Variants in POU2AF1 observed in about 807,000 individuals in gnomAD.
The protein encoded by POU2AF1 is POU domain class 2-associating factor 1.
A neutral mutation model predicts 26.3 loss-of-function variants in POU2AF1; 12 were observed. That is an observed-to-expected ratio of 0.46 (90% CI 0.29 to 0.74). POU2AF1 has a LOEUF of 0.74. Among genes scored for constraint, POU2AF1 ranks in the 30% least tolerant of loss-of-function variants. The probability of loss-of-function intolerance (pLI) is 0.09; values close to 1 mark genes in which losing one functional copy is unlikely to be tolerated. For missense variants in POU2AF1, 297 were observed against 334.5 expected (o/e 0.89, Z 0.87); for synonymous variants, 175 against 148.0 (o/e 1.18, Z -1.32).
Position 111,354,116 on chromosome 11 carries a change from AAGGTTTAC to A in POU2AF1, c.*137_*144del. On this transcript the variant is annotated 3_prime_UTR_variant, in exon 5 of 5. Coordinates refer to ENST00000393067, the MANE Select transcript of POU2AF1 (RefSeq NM_006235.3). ...AGGGAGGGGAAGGAAGAAGGGAAGG[AAGGTTTAC>A]AGGTCTACAATTCTAGCTGTGCGTA... 1.2e-6 allele frequency: 1 copy of A among 815,788 alleles called. No individual in the cohort carries two copies. Among genetic ancestry groups the A allele is most frequent in the South Asian group, 1.9e-5 (1 of 52,450 alleles). The allele number at this position is 815,788 out of a possible 1,614,324, so 50.5% of individuals were successfully genotyped here.
chr11:111,374,195 C>A (rs1334745746), intron 1 of POU2AF1, among the ~76,000 whole-genome samples: 2 of 129,000 alleles, frequency 1.6e-5, no homozygotes, highest in Non-Finnish European at 1.6e-5. Context: ...TTCAAAACTT[C>A]TGAGTCAGTA....
intron 1 of POU2AF1, chr11:111,364,068 C>A: frequency 1.1e-6 from 1 of 909,494 alleles, no homozygotes; most frequent in Non-Finnish European, 1.3e-6. Flanking sequence ...CCTATAAGGG[C>A]TTCCCTTTTC....
intron 2 of POU2AF1, among the ~76,000 whole-genome samples, 168 bp downstream of exon 2, chr11:111,358,620 A>C (rs888322587): frequency 3.4e-5 from 4 of 117,046 alleles, no homozygotes; most frequent in African/African-American, 1.1e-4. Context: ...ACTGACGCAG[A>C]TACACATTCT....
intron 1 of POU2AF1, chr11:111,363,392 T>A: frequency 3.9e-6 from 4 of 1,017,578 alleles, no homozygotes; most frequent in Non-Finnish European, 4.7e-6. Flanking sequence ...CGGCCAAGTG[T>A]TTTTGCAAGT....
At chr11:111,366,483 G>C (rs1861107373) in intron 1 of POU2AF1, among the ~76,000 whole-genome samples, 1 of 152,228 alleles carries the variant, frequency 6.6e-6, no homozygotes, top group East Asian at 1.9e-4. Flanking sequence ...GGTAGGCTGG[G>C]ATGTCTGTAT....
intron 1 of POU2AF1, among the ~76,000 whole-genome samples, chr11:111,366,651 G>A (rs770205654): frequency 4.6e-5 from 7 of 152,132 alleles, no homozygotes; most frequent in Non-Finnish European, 8.8e-5. Flanking sequence ...AGGTCCCCTG[G>A]GAAAGGCTGA....
At position 111,353,598 on chromosome 11, in the gene POU2AF1, C is replaced by G. The variant is rs1049407791; in HGVS notation, c.*663G>C. 3 of 233,402 alleles carry G rather than the reference C, an allele frequency of 1.3e-5. No homozygotes were observed. Among genetic ancestry groups the G allele is most frequent in the African/African-American group, 6.6e-5 (3 of 45,356 alleles). 14.5% of individuals were successfully genotyped at this position (233,402 alleles called of 1,614,324 possible). On this transcript the variant is annotated 3_prime_UTR_variant, in exon 5 of 5. Coordinates refer to ENST00000393067, the MANE Select transcript of POU2AF1 (RefSeq NM_006235.3). ...ACTGTGGGAACTGACAGCTCAAGGACTCTGGCATCAGGGTAGGCCCTTGGC... is the reference window on the plus strand; with the variant it reads ...ACTGTGGGAACTGACAGCTCAAGGAGTCTGGCATCAGGGTAGGCCCTTGGC...
At chr11:111,370,268 A>C (rs1228212576) in intron 1 of POU2AF1, among the ~76,000 whole-genome samples, 2 of 152,162 alleles carry the variant, frequency 1.3e-5, no homozygotes, top group African/African-American at 4.8e-5. Context: ...GGAGAAGGGG[A>C]GTGGTTGTTA....
intron 1 of POU2AF1, among the ~76,000 whole-genome samples, chr11:111,366,904 C>T (rs1349672895): frequency 2.0e-5 from 3 of 152,066 alleles, no homozygotes; most frequent in African/African-American, 7.2e-5. Flanking sequence ...CACAGGGATC[C>T]CTCTAGGTTG....
chr11:111,357,307 T>C (rs1400772608), intron 4 of POU2AF1, 138 bp downstream of exon 4: 3 of 1,241,512 alleles, frequency 2.4e-6, no homozygotes, highest in Non-Finnish European at 2.3e-6. Flanking sequence ...CAGGCCTCCA[T>C]GGAGACCAAG....
In POU2AF1 at chr11:111,372,077, G is replaced by A. The variant is rs556851196; in HGVS notation, c.16+7085C>T. Among the ~76,000 whole-genome samples, 10 of 151,044 alleles carry A rather than the reference G, an allele frequency of 6.6e-5. No individual in the cohort carries two copies. The East Asian group carries it at 1.9e-3, about 29-fold the overall frequency. The stretch of plus-strand genomic sequence containing the variant: ...ACACACACACACACACACAGAGAGA[G>A]AGAGAGAGAGAGATGAAGGAGCAGC... On this transcript the variant is annotated intron_variant, in intron 1 of 4. Transcript: ENST00000393067.
intron 1 of POU2AF1, chr11:111,364,023 A>C: frequency 1.0e-6 from 1 of 982,732 alleles, no homozygotes; most frequent in Non-Finnish European, 1.2e-6. Context: ...TGAGGGGGAA[A>C]AAAAATCATT....
At chr11:111,354,871 T>C (rs1860813196) in intron 4 of POU2AF1, among the ~76,000 whole-genome samples, 2 of 152,236 alleles carry the variant, frequency 1.3e-5, no homozygotes, top group Non-Finnish European at 2.9e-5. Context: ...AATGAACTCA[T>C]TGGGTTAGGC....
At chr11:111,363,517 C>G in intron 1 of POU2AF1, 1 of 993,330 alleles carries the variant, frequency 1.0e-6, no homozygotes, top group Non-Finnish European at 1.2e-6. Flanking sequence ...ACTGAGCCCA[C>G]AAATACAAAT....
chr11:111,370,824 A>G (rs538373655), intron 1 of POU2AF1, among the ~76,000 whole-genome samples: 32 of 152,254 alleles, frequency 2.1e-4, no homozygotes, highest in South Asian at 1.7e-3. Flanking sequence ...TCCAAACCCA[A>G]TGCTATATGT....
At chr11:111,378,246 C>G (rs983950057) in intron 1 of POU2AF1, among the ~76,000 whole-genome samples, 1 of 152,134 alleles carries the variant, frequency 6.6e-6, no homozygotes, top group Non-Finnish European at 1.5e-5. Flanking sequence ...GCTTGAGGCA[C>G]AGCATACTAA....
Position 111,354,294 on chromosome 11 carries a change from C to T in POU2AF1, c.738G>A (p.Ala246=), listed in dbSNP as rs35539762. ...CTTCCACAGAGAGAGTGTGGTTAAG[C>T]GCATAGGCGTCGCTATCCTCTTCCT... ...LLEEEDSDAY[A]LNHTLSVEGF is the part of the protein sequence containing the mutation. The change falls in exon 5 of 5, where the codon GCG becomes GCA. Residue 246 remains alanine, a synonymous_variant. Transcript: ENST00000393067. 1.1e-3 allele frequency: 1,794 copies of T among 1,614,208 alleles called. 13 individuals are homozygous for T. The African/African-American group carries it at 0.02, about 18-fold the overall frequency.
In POU2AF1 at chr11:111,354,273, C is replaced by T. The variant is rs754690695; in HGVS notation, c.759G>A (p.Val253=). 1 of 1,614,146 alleles carries T rather than the reference C, an allele frequency of 6.2e-7. No homozygotes were observed. The highest frequency in any genetic ancestry group is 8.5e-7 in the Non-Finnish European group (1 of 1,180,022). ...GTGGGAGCCACGCCTAAAAGCCTTC[C>T]ACAGAGAGAGTGTGGTTAAGCGCAT... ...DAYALNHTLS[V]EGF is the part of the protein sequence containing the mutation. Residue 253 remains valine (V), a synonymous_variant, in exon 5 of 5, where the codon GTG becomes GTA. Transcript: ENST00000393067.
rs781557903 is a variant in POU2AF1 at position 111,357,686 on chromosome 11, C to A, written c.215G>T (p.Gly72Val). 3 of 1,613,024 alleles carry A rather than the reference C, an allele frequency of 1.9e-6. No individual in the cohort carries two copies. Among genetic ancestry groups the A allele is most frequent in the Middle Eastern group, 1.6e-4 (1 of 6,062 alleles). The stretch of plus-strand genomic sequence containing the variant: ...CTCCTCTGTCACTGCAGACACAGAA[C>A]CTTCCATGTCCAGGCAGGAAGGACC... The part of the protein sequence containing the change: ...TVGPSCLDME[G>V]SVSAVTEEAA... The change falls in exon 4 of 5, where the codon GGT becomes GTT. Residue 72 changes from glycine to valine, a missense_variant. Physicochemically the swap from Gly to Val is moderately radical, Grantham distance 109. Coordinates refer to ENST00000393067, the MANE Select transcript of POU2AF1 (RefSeq NM_006235.3).
Sources: gnomAD v4.1 joint callset for allele counts (sites outside exome capture counted in the v4.1 genomes callset) on GRCh38, gnomAD v4.1.1 for gene constraint, MANE v1.5 for transcripts, NCBI Gene and HGNC (gene_info 2026-07-23, HGNC 2026-07-21) for gene names.